HGD: variants seen among roughly 807,000 people sequenced by gnomAD.
HGD encodes the protein homogentisate oxidase.
In HGD, 61 loss-of-function variants were observed where a neutral mutation model predicts 60.8. That is an observed-to-expected ratio of 1.00 (90% CI 0.82 to 1.24). HGD has a LOEUF of 1.24. Among genes scored for constraint, HGD ranks in the 50% most tolerant of loss-of-function variants. HGD has a pLI of 0.00. For synonymous variants in HGD, 212 were observed against 187.7 expected (o/e 1.13, Z -1.06); for missense variants, 542 against 547.1 (o/e 0.99, Z 0.09).
In HGD at chr3:120,680,695, A is replaced by AGATCCATAAATCCAACCACC. The variant is rs565970876; in HGVS notation, c.15+1382_15+1401dup. ...AGCCCTGCCCACTCCCCTGAAATCC[A>AGATCCATAAATCCAACCACC]GATCCATAAATCCAACCACCGCCTG... is the stretch of plus-strand genomic sequence containing the variant. On this transcript the variant is annotated intron_variant, in intron 1 of 13. Coordinates refer to ENST00000283871, the MANE Select transcript of HGD (RefSeq NM_000187.4). Among the ~76,000 whole-genome samples the AGATCCATAAATCCAACCACC allele has an allele frequency of 2.6e-5, 4 of 152,206 alleles. No homozygotes were observed. In the South Asian group the frequency reaches 6.2e-4, roughly 24 times the overall value.
At chr3:120,634,537 CAGAGATGAATA>C (rs1940697434) in intron 12 of HGD, among the ~76,000 whole-genome samples, 2 of 151,908 alleles carry the variant, frequency 1.3e-5, no homozygotes, top group African/African-American at 4.8e-5. Context: ...TAACATGAGA[CAGAGATGAATA>C]AGAAATAGCT....
At chr3:120,641,363 T>G (rs907450746) in intron 11 of HGD, among the ~76,000 whole-genome samples, 4 of 152,206 alleles carry the variant, frequency 2.6e-5, no homozygotes, top group African/African-American at 9.6e-5. Context: ...GTATCACCAA[T>G]GCTCTGTAGA....
At chr3:120,644,167 G>T in intron 10 of HGD, 152 bp downstream of exon 10, 1 of 896,270 alleles carries the variant, frequency 1.1e-6, no homozygotes. Context: ...AAGTATAATT[G>T]ACTACTAGAA....
At chr3:120,652,531 T>A (rs1941373980) in intron 5 of HGD, 61 bp downstream of exon 5, 1 of 1,272,922 alleles carries the variant, frequency 7.9e-7, no homozygotes, top group African/African-American at 1.4e-5. Context: ...TGCAAATGGT[T>A]GGCTCACTCA....
chr3:120,644,295 T>G (rs1477550567), intron 10 of HGD, 24 bp downstream of exon 10: 1 of 1,613,540 alleles, frequency 6.2e-7, no homozygotes, highest in Non-Finnish European at 8.5e-7. Context: ...TTTCCTCCCT[T>G]GCCTGCCAAC....
At chr3:120,640,502 T>C (rs1461534643) in intron 11 of HGD, among the ~76,000 whole-genome samples, 1 of 152,198 alleles carries the variant, frequency 6.6e-6, no homozygotes, top group African/African-American at 2.4e-5. Context: ...AAAGGCTTTC[T>C]AATGAAGACA....
chr3:120,630,948 G>A (rs1940576481), intron 13 of HGD, among the ~76,000 whole-genome samples: 1 of 151,500 alleles, frequency 6.6e-6, no homozygotes. Flanking sequence ...GACGGAGCTG[G>A]AGGCCATTAT....
At chr3:120,648,019 G>T in intron 6 of HGD, 108 bp from the exon 7 acceptor site, 1 of 940,708 alleles carries the variant, frequency 1.1e-6, no homozygotes. Context: ...GCTCAGAGCT[G>T]GGTATAAAAT....
intron 5 of HGD, among the ~76,000 whole-genome samples, chr3:120,651,427 C>T (rs151045706): frequency 0.021 from 3,234 of 152,260 alleles, 50 homozygotes; most frequent in Middle Eastern, 0.041. Flanking sequence ...CTCAAAATAG[C>T]CCTCAGCCCC....
chr3:120,631,420 G>A (rs192210753), intron 13 of HGD, among the ~76,000 whole-genome samples: 41 of 152,168 alleles, frequency 2.7e-4, no homozygotes, highest in Admixed American at 2.5e-3. Context: ...TTATCTTGAT[G>A]TGATTATTAC....
chr3:120,636,518 C>A (rs111264757), intron 12 of HGD, among the ~76,000 whole-genome samples: 2,935 of 152,224 alleles, frequency 0.019, 82 homozygotes, highest in African/African-American at 0.067. Context: ...TAAGGAGTAA[C>A]ATGCGAAGTA....
rs142379301 is a variant in HGD, at chr3:120,660,950, C to T, written c.283-8299G>A. Among the ~76,000 whole-genome samples the T allele has an allele frequency of 9.4e-3, 1,436 of 152,256 alleles. 9 individuals carry two copies. The highest frequency in any genetic ancestry group is 0.031 in the African/African-American group (1,275 of 41,522). ...TAAATCCATTACCTAGCACCTAGCA[C>T]GAAGTATAGAACATAATAGTCACTC... On this transcript the variant is annotated intron_variant, in intron 4 of 13. Coordinates refer to ENST00000283871, the MANE Select transcript of HGD (RefSeq NM_000187.4).
intron 4 of HGD, among the ~76,000 whole-genome samples, chr3:120,664,129 T>C (rs1171993049): frequency 1.3e-5 from 2 of 151,834 alleles, no homozygotes; most frequent in African/African-American, 2.4e-5. Context: ...CCAAATGGGG[T>C]AGGGGATCTA....
rs765140976 is a variant in HGD, at chr3:120,675,003, T to G, written c.88-14A>C. On this transcript the variant is annotated splice_polypyrimidine_tract_variant and intron_variant, in intron 2 of 13. Coordinates refer to ENST00000283871, the MANE Select transcript of HGD (RefSeq NM_000187.4). ...CTGAGGATTATTCTGAAACAAAGGA[T>G]GCAATAAACAATATTACTCCCATCC... is the stretch of plus-strand genomic sequence containing the variant. 3 of 1,574,420 alleles carry G rather than the reference T, an allele frequency of 1.9e-6. No individual in the cohort carries two copies. The highest frequency in any genetic ancestry group is 2.6e-6 in the Non-Finnish European group (3 of 1,144,562).
intron 1 of HGD, among the ~76,000 whole-genome samples, chr3:120,680,318 G>T (rs1006753521): frequency 6.6e-6 from 1 of 152,080 alleles, no homozygotes; most frequent in South Asian, 2.1e-4. Context: ...AATGTTTATT[G>T]ATTAGAATGA....
chr3:120,634,530 C>A (rs1940697083), intron 12 of HGD, among the ~76,000 whole-genome samples: 1 of 152,036 alleles, frequency 6.6e-6, no homozygotes. Flanking sequence ...TGCTGGCTAA[C>A]ATGAGACAGA....
At chr3:120,638,817 A>G (rs1940868964) in intron 11 of HGD, among the ~76,000 whole-genome samples, 1 of 152,166 alleles carries the variant, frequency 6.6e-6, no homozygotes, top group African/African-American at 2.4e-5. Flanking sequence ...GTCCCCACCC[A>G]AATCTCATCC....
chr3:120,633,298 A>G lies in HGD; in HGVS notation c.1037T>C (p.Ile346Thr), dbSNP rs1299204471. The G allele has an allele frequency of 1.2e-6, 2 of 1,614,130 alleles. No individual in the cohort carries two copies. Among genetic ancestry groups the G allele is most frequent in the Non-Finnish European group, 1.7e-6 (2 of 1,180,012 alleles). The change falls in exon 13 of 14, where the codon ATC becomes ACC. Residue 346 changes from isoleucine to threonine, a missense_variant. By Grantham distance (89) the Ile-to-Thr change is moderately conservative. This residue lies in a region of HGD where 537 missense variants were observed against 529.1 expected (regional missense o/e 1.01). Transcript: ENST00000283871. Reference protein sequence around the residue: ...RNCMSEFMGLIRGHYEAKQGG... With the variant: ...RNCMSEFMGLTRGHYEAKQGG... The stretch of plus-strand genomic sequence containing the variant: ...TTGCTTTGCCTCATAGTGACCTCGG[A>G]TGAGTCCCATGAACTCACTCATGCA...
intron 7 of HGD, 32 bp downstream of exon 7, chr3:120,647,845 C>A (rs778271488): frequency 6.4e-7 from 1 of 1,571,712 alleles, no homozygotes; most frequent in Non-Finnish European, 8.8e-7. Context: ...GGTCAATTAA[C>A]AGTGAGGGGG....
Sources: gnomAD v4.1 joint callset for allele counts (sites outside exome capture counted in the v4.1 genomes callset) on GRCh38, gnomAD v4.1.1 for gene constraint, gnomAD v4.1.1 regional missense constraint, MANE v1.5 for transcripts, NCBI Gene and HGNC (gene_info 2026-07-23, HGNC 2026-07-21) for gene names.